The following YWHAE variants were observed in gnomAD, a reference collection of about 807,000 sequenced individuals.
YWHAE encodes the protein tyrosine 3-monooxygenase/tryptophan 5-monooxygenase activation protein epsilon.
A neutral mutation model predicts 30.1 loss-of-function variants in YWHAE; 4 were observed. That is an observed-to-expected ratio of 0.13 (90% CI 0.07 to 0.30). The LOEUF is 0.30. Ranked by LOEUF, YWHAE falls within the 10% of genes least tolerant of loss-of-function variation. The pLI, the probability that YWHAE is intolerant of heterozygous loss-of-function variation, is 1.00. For missense variants in YWHAE, 121 were observed against 315.9 expected, an observed-to-expected ratio of 0.38 and a Z score of 4.68; for synonymous variants, 118 against 111.8, an observed-to-expected ratio of 1.06 and a Z score of -0.35.
chr17:1,364,551 A>G (rs2072915263), intron 2 of YWHAE, among the ~76,000 whole-genome samples: 1 of 152,102 alleles, frequency 6.6e-6, no homozygotes, highest in African/African-American at 2.4e-5. Flanking sequence ...TTTAAAAAAC[A>G]GTCATCATTT....
intron 1 of YWHAE, among the ~76,000 whole-genome samples, chr17:1,383,306 C>T (rs936316748): frequency 6.6e-6 from 1 of 151,302 alleles, no homozygotes; most frequent in Non-Finnish European, 1.5e-5. Flanking sequence ...GCTGAGATCG[C>T]GCGATTGCAC....
intron 1 of YWHAE, among the ~76,000 whole-genome samples, chr17:1,370,160 CTCTG>C (rs1171390075): frequency 3.1e-5 from 4 of 129,518 alleles, no homozygotes; most frequent in Non-Finnish European, 6.3e-5. Flanking sequence ...CGGAGTCTCG[CTCTG>C]TCACCAGGCT....
chr17:1,351,583 T>TA (rs2072634076), intron 5 of YWHAE, among the ~76,000 whole-genome samples: 1 of 152,100 alleles, frequency 6.6e-6, no homozygotes. Flanking sequence ...GGATGACCAT[T>TA]ACGAGTCCAC....
intron 1 of YWHAE, 193 bp downstream of exon 1, chr17:1,399,854 G>T: frequency 1.5e-6 from 1 of 669,556 alleles, no homozygotes; most frequent in Non-Finnish European, 2.6e-6. Context: ...GTTAAGGACG[G>T]CGAAGGGGTC....
At chr17:1,350,086 A>T (rs2150837568) in intron 5 of YWHAE, among the ~76,000 whole-genome samples, 1 of 151,574 alleles carries the variant, frequency 6.6e-6, no homozygotes, top group East Asian at 2.0e-4. Context: ...CCCAGTAGCT[A>T]GGATTACAGA....
chr17:1,349,958 A>T (rs1283266972), intron 5 of YWHAE, among the ~76,000 whole-genome samples: 4 of 145,542 alleles, frequency 2.7e-5, no homozygotes, highest in Non-Finnish European at 6.0e-5. Flanking sequence ...ATTACCCTGT[A>T]TTTTTTTTTT....
chr17:1,352,285 A>G (rs934900676), intron 5 of YWHAE: 3 of 152,164 alleles, frequency 2.0e-5, no homozygotes, highest in African/African-American at 7.2e-5. Flanking sequence ...TAAACATATC[A>G]TAAAGCTAGT....
intron 1 of YWHAE, 75 bp from the exon 2 acceptor site, chr17:1,365,133 TTC>T: frequency 6.8e-7 from 1 of 1,476,798 alleles, no homozygotes; most frequent in African/African-American, 1.4e-5. Context: ...AGTAGTTTTT[TTC>T]TGTCAAGCTA....
chr17:1,369,163 C>T (rs2072991788), intron 1 of YWHAE, among the ~76,000 whole-genome samples: 1 of 152,140 alleles, frequency 6.6e-6, no homozygotes, highest in Admixed American at 6.6e-5. Context: ...TTTAATAATA[C>T]CTTTATTTAT....
At chr17:1,367,205 T>C (rs1253826470) in intron 1 of YWHAE, among the ~76,000 whole-genome samples, 2 of 152,110 alleles carry the variant, frequency 1.3e-5, no homozygotes, top group Non-Finnish European at 2.9e-5. Context: ...AGCAACTCTA[T>C]TCATAATAGC....
chr17:1,384,344 A>T (rs2073265248), intron 1 of YWHAE, among the ~76,000 whole-genome samples: 1 of 151,932 alleles, frequency 6.6e-6, no homozygotes, highest in African/African-American at 2.4e-5. Flanking sequence ...ACTGCACACC[A>T]GCTTGGGCAA....
At chr17:1,362,784 T>C (rs1372026927) in intron 2 of YWHAE, among the ~76,000 whole-genome samples, 3 of 152,004 alleles carry the variant, frequency 2.0e-5, no homozygotes, top group Non-Finnish European at 2.9e-5. Flanking sequence ...TCTTCTATAA[T>C]CACATCCTTA....
intron 1 of YWHAE, 93 bp downstream of exon 1, chr17:1,399,954 G>A (rs936188438): frequency 4.6e-6 from 7 of 1,517,248 alleles, no homozygotes; most frequent in South Asian, 1.1e-5. Flanking sequence ...CAGGCTCGCA[G>A]ACGATGCCGC....
At chr17:1,377,047 AG>A (rs1371654343) in intron 1 of YWHAE, among the ~76,000 whole-genome samples, 4 of 151,096 alleles carry the variant, frequency 2.6e-5, no homozygotes, top group Middle Eastern at 3.2e-3. Context: ...CCTGGTAGTT[AG>A]GACTACAGGT....
At chr17:1,376,350 A>C (rs1030365147) in intron 1 of YWHAE, among the ~76,000 whole-genome samples, 7 of 151,718 alleles carry the variant, frequency 4.6e-5, no homozygotes, top group Non-Finnish European at 8.8e-5. Flanking sequence ...ACAGACAGAA[A>C]GACAAGAAAG....
chr17:1,392,260 A>G (rs1389586857), intron 1 of YWHAE, among the ~76,000 whole-genome samples: 1 of 152,176 alleles, frequency 6.6e-6, no homozygotes, highest in Non-Finnish European at 1.5e-5. Context: ...CTGTGGGCCC[A>G]GCTAAGTGGG....
intron 4 of YWHAE, 27 bp from the exon 5 acceptor site, chr17:1,354,374 T>C (rs757190583): frequency 1.4e-5 from 23 of 1,601,490 alleles, no homozygotes; most frequent in Admixed American, 3.5e-5. Flanking sequence ...AGAAGTGTTA[T>C]AAAAATTAAG....
In YWHAE at chr17:1,354,299, C is replaced by G; in HGVS notation, c.627G>C (p.Leu209=). ...FDDAIAELDT[L]SEESYKDSTL... is the part of the protein sequence containing the mutation. The stretch of plus-strand genomic sequence containing the variant: ...TAGAGTCCTTATAGCTTTCTTCACT[C>G]AGCGTATCCAGTTCTGCAATTGCAT... The change falls in exon 5 of 6, where the codon CTG becomes CTC. Residue 209 remains leucine, a synonymous_variant. Transcript: ENST00000264335. 6.2e-7 allele frequency: 1 copy of G among 1,614,126 alleles called. No homozygotes were observed. Among genetic ancestry groups the G allele is most frequent in the Non-Finnish European group, 8.5e-7 (1 of 1,179,990 alleles).
intron 1 of YWHAE, among the ~76,000 whole-genome samples, chr17:1,366,991 G>A (rs769590792): frequency 2.4e-4 from 37 of 152,062 alleles, no homozygotes; most frequent in Non-Finnish European, 5.1e-4. Flanking sequence ...TAAGGGGAGT[G>A]TGCCTAATGT....
Sources: gnomAD v4.1 joint callset for allele counts (sites outside exome capture counted in the v4.1 genomes callset) on GRCh38, gnomAD v4.1.1 for gene constraint, MANE v1.5 for transcripts, NCBI Gene and HGNC (gene_info 2026-07-23, HGNC 2026-07-21) for gene names.